ESRRG: variants seen among roughly 807,000 people sequenced by gnomAD.
ESRRG encodes the protein estrogen related receptor gamma, also known as estrogen-related receptor gamma.
In ESRRG, 13 loss-of-function variants were observed where a neutral mutation model predicts 44.0. That is an observed-to-expected ratio of 0.30 (90% CI 0.19 to 0.47). The LOEUF is 0.47. Among genes scored for constraint, ESRRG ranks in the 20% least tolerant of loss-of-function variants. The pLI, the probability that ESRRG is intolerant of heterozygous loss-of-function variation, is 1.00. For missense variants in ESRRG, 395 were observed against 580.6 expected (o/e 0.68, Z 3.29); for synonymous variants, 215 against 214.6 (o/e 1.00, Z -0.02).
chr1:216,901,282 C>G (rs113416088), intron 2 of ESRRG, among the ~76,000 whole-genome samples: 3 of 152,132 alleles, frequency 2.0e-5, no homozygotes, highest in African/African-American at 7.2e-5. Flanking sequence ...TCCCCCTTCT[C>G]AACTTCCTGA....
intron 1 of ESRRG, among the ~76,000 whole-genome samples, chr1:216,971,072 C>G (rs1202224634): frequency 6.6e-6 from 1 of 152,066 alleles, no homozygotes; most frequent in Non-Finnish European, 1.5e-5. Context: ...TAGCAGTGAC[C>G]CTGGAAACCC....
chr1:217,012,203 A>G (rs1417737667), intron 1 of ESRRG, among the ~76,000 whole-genome samples: 1 of 152,226 alleles, frequency 6.6e-6, no homozygotes, highest in Non-Finnish European at 1.5e-5. Context: ...TTGCCATTAA[A>G]GGCTTTTGGC....
chr1:216,747,532 A>G (rs2091542132), intron 2 of ESRRG, among the ~76,000 whole-genome samples: 1 of 152,152 alleles, frequency 6.6e-6, no homozygotes, highest in African/African-American at 2.4e-5. Flanking sequence ...TTCTCTGGAT[A>G]TCCCAGACAC....
chr1:216,839,704 T>G (rs557929720), intron 2 of ESRRG, among the ~76,000 whole-genome samples: 17 of 148,310 alleles, frequency 1.1e-4, no homozygotes, highest in Non-Finnish European at 1.9e-4. Context: ...CACAGCTTCA[T>G]GTATTTTTCA....
At chr1:216,626,820 C>T (rs1260286361) in intron 3 of ESRRG, among the ~76,000 whole-genome samples, 1 of 152,222 alleles carries the variant, frequency 6.6e-6, no homozygotes, top group Non-Finnish European at 1.5e-5. Flanking sequence ...GGCCACACTG[C>T]AGTCTGACTC....
Position 216,688,990 on chromosome 1 carries a change from A to T in ESRRG, c.57-11499T>A, listed in dbSNP as rs149672092. Among the ~76,000 whole-genome samples the T allele has an allele frequency of 1.7e-3, 258 of 152,266 alleles. 2 individuals are homozygous for T. The highest frequency in any genetic ancestry group is 6.2e-3 in the African/African-American group (257 of 41,568). The stretch of plus-strand genomic sequence containing the variant: ...AGATGCATATGGGTAAACACACATT[A>T]ACTTCCCTCAATCTAAGATTCTATT... On this transcript the variant is annotated intron_variant, in intron 1 of 6. Transcript: ENST00000408911.
chr1:216,931,939 C>T (rs553089984), intron 2 of ESRRG, among the ~76,000 whole-genome samples: 99 of 152,096 alleles, frequency 6.5e-4, no homozygotes, highest in African/African-American at 2.2e-3. Flanking sequence ...GGTGCGGTGG[C>T]TCACGCCTGT....
chr1:216,751,838 T>TA (rs1364798255), intron 2 of ESRRG, among the ~76,000 whole-genome samples: 24 of 105,948 alleles, frequency 2.3e-4, no homozygotes, highest in South Asian at 6.8e-4. Flanking sequence ...ATATATATAT[T>TA]TTTTTCTTTT....
chr1:216,695,313 AAC>A (rs376605746), intron 1 of ESRRG, among the ~76,000 whole-genome samples: 22 of 150,272 alleles, frequency 1.5e-4, no homozygotes, highest in Middle Eastern at 3.4e-3. Flanking sequence ...TGTAGAACTA[AAC>A]ACACACACAC....
intron 5 of ESRRG, among the ~76,000 whole-genome samples, chr1:216,542,132 G>A (rs2053076325): frequency 6.8e-6 from 1 of 147,358 alleles, no homozygotes; most frequent in African/African-American, 2.5e-5. Context: ...TCTGATTCTA[G>A]TACTAATCCT....
At chr1:216,998,806 A>T (rs1364618339) in intron 1 of ESRRG, among the ~76,000 whole-genome samples, 4 of 152,246 alleles carry the variant, frequency 2.6e-5, no homozygotes, top group African/African-American at 4.8e-5. Context: ...CATTTCAACA[A>T]ATTTATACAA....
chr1:216,676,110 T>G (rs189979141), intron 2 of ESRRG, among the ~76,000 whole-genome samples: 6 of 152,300 alleles, frequency 3.9e-5, no homozygotes, highest in Non-Finnish European at 7.3e-5. Flanking sequence ...CAAAATATAT[T>G]TTTTTCTTCC....
chr1:217,021,118 G>T (rs1294549738), intron 1 of ESRRG, among the ~76,000 whole-genome samples: 1 of 151,348 alleles, frequency 6.6e-6, no homozygotes, highest in Non-Finnish European at 1.5e-5. Context: ...ACACAAGGGA[G>T]AGGAAATAGC....
chr1:216,972,268 G>A lies in ESRRG; in HGVS notation c.-105-32595C>T, dbSNP rs182429372. 5.5e-4 allele frequency among the ~76,000 whole-genome samples: 84 copies of A among 152,258 alleles called. No homozygotes were observed. In the East Asian group the frequency reaches 0.016, roughly 28 times the overall value. On this transcript the variant is annotated intron_variant, in intron 1 of 7. Transcript: ENST00000359162. ...GGTCAGCAATCTATCAGGAGTTACT[G>A]TCAGAGTTATAGTTGTTGGCTTGGC...
intron 1 of ESRRG, among the ~76,000 whole-genome samples, chr1:216,981,690 TA>T (rs1426873626): frequency 2.0e-5 from 3 of 148,218 alleles, no homozygotes; most frequent in Non-Finnish European, 3.0e-5. Flanking sequence ...GTGTTGAACC[TA>T]AAGAGTTAAA....
intron 1 of ESRRG, among the ~76,000 whole-genome samples, chr1:216,943,314 C>T (rs777746945): frequency 2.6e-4 from 40 of 152,270 alleles, no homozygotes; most frequent in Non-Finnish European, 5.6e-4. Flanking sequence ...GGACTTACAC[C>T]ATCCCTACCA....
intron 1 of ESRRG, among the ~76,000 whole-genome samples, chr1:217,052,499 T>C (rs1248340585): frequency 6.6e-6 from 1 of 152,182 alleles, no homozygotes; most frequent in African/African-American, 2.4e-5. Context: ...ACATTCAGGT[T>C]AGAATGTTAC....
rs559423009 is a variant in ESRRG at position 216,796,882 on chromosome 1, T to C, written c.-13-119391A>G. ...TAAAAAATAAACTTCCTTTATTTAA[T>C]TTATTTATTTATTTATTTTGTCTTT... On this transcript the variant is annotated intron_variant, in intron 2 of 7. Coordinates refer to the ESRRG transcript ENST00000359162. Among the ~76,000 whole-genome samples, 4 of 152,208 alleles carry C rather than the reference T, an allele frequency of 2.6e-5. No homozygotes were observed. The South Asian group carries it at 8.3e-4, about 32-fold the overall frequency.
At chr1:216,765,113 T>C (rs774433165) in intron 2 of ESRRG, among the ~76,000 whole-genome samples, 3 of 151,938 alleles carry the variant, frequency 2.0e-5, no homozygotes, top group Non-Finnish European at 2.9e-5. Flanking sequence ...CAAGTGGAAG[T>C]GAGAAAACCC....
Sources: gnomAD v4.1 joint callset for allele counts (sites outside exome capture counted in the v4.1 genomes callset) on GRCh38, gnomAD v4.1.1 for gene constraint, MANE v1.5 for transcripts, NCBI Gene and HGNC (gene_info 2026-07-23, HGNC 2026-07-21) for gene names.